Variants in SLC44A5 observed in about 807,000 individuals in gnomAD.
SLC44A5 encodes the protein solute carrier family 44 member 5, also known as choline transporter-like protein 5.
In SLC44A5, 57 loss-of-function variants were observed where a neutral mutation model predicts 101.8. The observed-to-expected ratio is 0.56, with a 90% CI of 0.45 to 0.70. SLC44A5 has a LOEUF of 0.70. Among genes scored for constraint, SLC44A5 ranks in the 30% least tolerant of loss-of-function variants. The pLI, the probability that SLC44A5 is intolerant of heterozygous loss-of-function variation, is 0.00. For missense variants in SLC44A5, 737 were observed against 853.1 expected, an observed-to-expected ratio of 0.86 and a Z score of 1.70; for synonymous variants, 281 against 290.9, an observed-to-expected ratio of 0.97 and a Z score of 0.35.
the SLC44A5 span, among the ~76,000 whole-genome samples, chr1:75,684,418 C>T: frequency 6.6e-6 from 1 of 152,142 alleles, no homozygotes; most frequent in African/African-American, 2.4e-5. Context: ...AGTCCAAAGT[C>T]TCATCTGAAA....
At chr1:75,471,529 T>C (rs888478806) in intron 2 of SLC44A5, among the ~76,000 whole-genome samples, 11 of 152,090 alleles carry the variant, frequency 7.2e-5, no homozygotes, top group African/African-American at 2.7e-4. Flanking sequence ...ATCTCAATCA[T>C]GGCAGGGGGA....
intron 3 of SLC44A5, among the ~76,000 whole-genome samples, chr1:75,385,429 T>G: frequency 6.6e-6 from 1 of 151,946 alleles, no homozygotes; most frequent in Non-Finnish European, 1.5e-5. Flanking sequence ...ACTACAAATA[T>G]CTCTACGCAA....
intron 5 of SLC44A5, among the ~76,000 whole-genome samples, chr1:75,278,243 A>AT (rs1652095820): frequency 6.6e-6 from 1 of 150,382 alleles, no homozygotes. Context: ...AAAATATATT[A>AT]AGTTATTATT....
intron 2 of SLC44A5, among the ~76,000 whole-genome samples, chr1:75,527,219 G>A (rs529070374): frequency 6.7e-6 from 1 of 148,930 alleles, no homozygotes; most frequent in African/African-American, 2.5e-5. Flanking sequence ...AAGGAGGGAG[G>A]AAGACAGAGA....
chr1:75,474,539 T>C (rs1667280965), intron 2 of SLC44A5, among the ~76,000 whole-genome samples: 1 of 152,188 alleles, frequency 6.6e-6, no homozygotes, highest in Admixed American at 6.5e-5. Context: ...AATTAAGATA[T>C]AGGTCATTAG....
intron 12 of SLC44A5, among the ~76,000 whole-genome samples, chr1:75,232,028 T>G (rs1647619942): frequency 6.6e-6 from 1 of 152,158 alleles, no homozygotes. Context: ...AGAAAGTCAA[T>G]TGTCCAGGAT....
chr1:75,610,172 CACAT>C (rs935721002), intron 1 of SLC44A5, among the ~76,000 whole-genome samples: 18 of 145,448 alleles, frequency 1.2e-4, no homozygotes, highest in Non-Finnish European at 1.7e-4. Context: ...CACACACACA[CACAT>C]AGTGAAGTCT....
At chr1:75,646,572 C>T in the SLC44A5 span, among the ~76,000 whole-genome samples, 1 of 152,110 alleles carries the variant, frequency 6.6e-6, no homozygotes, top group South Asian at 2.1e-4. Context: ...GTAATCCCCA[C>T]ATGTTGCAGG....
At chr1:75,228,564 A>G (rs990065057) in intron 12 of SLC44A5, among the ~76,000 whole-genome samples, 4 of 151,842 alleles carry the variant, frequency 2.6e-5, no homozygotes, top group Admixed American at 2.6e-4. Flanking sequence ...ATATACTGAT[A>G]TATTTATATT....
chr1:75,648,628 G>A, the SLC44A5 span, among the ~76,000 whole-genome samples: 1 of 152,048 alleles, frequency 6.6e-6, no homozygotes, highest in African/African-American at 2.4e-5. Flanking sequence ...AGAGGTGAGA[G>A]TGGCCTTCAT....
intron 5 of SLC44A5, among the ~76,000 whole-genome samples, chr1:75,293,463 C>T (rs939491430): frequency 2.6e-5 from 4 of 152,036 alleles, no homozygotes; most frequent in East Asian, 1.9e-4. Context: ...TGTTGGCTTT[C>T]GAATCATTAC....
intron 2 of SLC44A5, among the ~76,000 whole-genome samples, chr1:75,460,313 G>A (rs984649874): frequency 1.3e-5 from 2 of 152,164 alleles, no homozygotes; most frequent in Non-Finnish European, 2.9e-5. Flanking sequence ...TATTTGGAAT[G>A]AATTGAAATT....
At chr1:75,274,310 A>C (rs1284257230) in intron 6 of SLC44A5, among the ~76,000 whole-genome samples, 1 of 152,086 alleles carries the variant, frequency 6.6e-6, no homozygotes, top group African/African-American at 2.4e-5. Flanking sequence ...GGTTTTCTAA[A>C]AATATGAGAT....
chr1:75,575,064 T>G (rs1458583856), intron 1 of SLC44A5, among the ~76,000 whole-genome samples: 1 of 152,176 alleles, frequency 6.6e-6, no homozygotes, highest in Non-Finnish European at 1.5e-5. Context: ...TCAAAATGCT[T>G]ACTAAAGTTG....
chr1:75,462,746 T>C (rs186051756), intron 2 of SLC44A5, among the ~76,000 whole-genome samples: 10 of 152,148 alleles, frequency 6.6e-5, no homozygotes, highest in Non-Finnish European at 1.3e-4. Flanking sequence ...ATTGACATAC[T>C]GAAGGATGCA....
At chr1:75,249,857 T>C (rs184984487) in intron 7 of SLC44A5, among the ~76,000 whole-genome samples, 142 of 152,286 alleles carry the variant, frequency 9.3e-4, no homozygotes, top group Admixed American at 8.8e-3. Context: ...TAACTATTCA[T>C]TGAGGTTTGT....
chr1:75,507,585 CCCT>C (rs997179880), intron 2 of SLC44A5, among the ~76,000 whole-genome samples: 2 of 151,970 alleles, frequency 1.3e-5, no homozygotes, highest in African/African-American at 4.8e-5. Flanking sequence ...AGGGAGAAGT[CCCT>C]CCTCCTCGAT....
chr1:75,629,439 A>G, the SLC44A5 span, among the ~76,000 whole-genome samples: 1 of 152,214 alleles, frequency 6.6e-6, no homozygotes, highest in African/African-American at 2.4e-5. Context: ...AGTGTAATGA[A>G]TATAAACTCC....
At chr1:75,343,674 G>A (rs528051848) in intron 3 of SLC44A5, among the ~76,000 whole-genome samples, 3 of 152,276 alleles carry the variant, frequency 2.0e-5, no homozygotes, top group Admixed American at 1.3e-4. Flanking sequence ...CTGTGAGTAA[G>A]CAGGTCAGAT....
Sources: gnomAD v4.1 joint callset for allele counts (sites outside exome capture counted in the v4.1 genomes callset) on GRCh38, gnomAD v4.1.1 for gene constraint, MANE v1.5 for transcripts, NCBI Gene and HGNC (gene_info 2026-07-23, HGNC 2026-07-21) for gene names.